The following COL15A1 variants were observed in gnomAD, a reference collection of about 807,000 sequenced individuals.
COL15A1 encodes the protein collagen type XV alpha 1 chain.
COL15A1 carries 111 observed loss-of-function variants against 165.9 expected under a neutral mutation model. The observed-to-expected ratio is 0.67, with a 90% confidence interval of 0.57 to 0.78. The LOEUF (loss-of-function observed/expected upper bound fraction) is 0.78, where lower values mean the gene tolerates loss of function less well. Ranked by LOEUF, COL15A1 falls within the 30% of genes least tolerant of loss-of-function variation. COL15A1 has a pLI of 0.00. For missense variants in COL15A1, 1,745 were observed against 1,789.7 expected, an observed-to-expected ratio of 0.98 and a Z score of 0.45; for synonymous variants, 659 against 674.8, an observed-to-expected ratio of 0.98 and a Z score of 0.36.
intron 2 of COL15A1, among the ~76,000 whole-genome samples, chr9:98,965,783 C>T (rs1009780913): frequency 6.6e-6 from 1 of 152,234 alleles, no homozygotes; most frequent in East Asian, 1.9e-4. Context: ...CCCTACAGGA[C>T]TTTCCTGTCC....
At chr9:99,005,099 C>T (rs747120484) in intron 9 of COL15A1, 49 bp downstream of exon 9, 2 of 1,522,386 alleles carry the variant, frequency 1.3e-6, no homozygotes, top group African/African-American at 1.4e-5. Context: ...GGGAGCAGCT[C>T]CTGACCTTCT....
In COL15A1 at chr9:99,058,913, T is replaced by C. The variant is rs556892006; in HGVS notation, c.3338-976T>C. On this transcript the variant is annotated intron_variant, in intron 35 of 41. Coordinates refer to ENST00000375001, the MANE Select transcript of COL15A1 (RefSeq NM_001855.5). Reference sequence around the variant, plus strand: ...GACCTGAAGGACTGTATAATTTTACTGGGGCTTGTAAAAACACCCTTAATT... The same window carrying C: ...GACCTGAAGGACTGTATAATTTTACCGGGGCTTGTAAAAACACCCTTAATT... Among the ~76,000 whole-genome samples the C allele has an allele frequency of 9.5e-4, 144 of 152,296 alleles. 1 individual carries two copies. Among genetic ancestry groups the C allele is most frequent in the Non-Finnish European group, 2.5e-4 (17 of 68,002 alleles).
At position 99,056,365 on chromosome 9, in the gene COL15A1, C is replaced by A. The variant is rs894497562; in HGVS notation, c.3298C>A (p.Pro1100Thr). The A allele has an allele frequency of 1.5e-5, 24 of 1,612,424 alleles. No individual in the cohort carries two copies. Among genetic ancestry groups the A allele is most frequent in the Non-Finnish European group, 1.8e-5 (21 of 1,179,822 alleles). The change falls in exon 35 of 42, where the codon CCC becomes ACC. Residue 1100 changes from proline to threonine, a missense_variant. Pro to Thr is a conservative substitution (Grantham distance 38). Transcript: ENST00000375001. ...GRPGDPGPPGPPGPPGPPAIL... is the reference protein window; with the variant it reads ...GRPGDPGPPGTPGPPGPPAIL... ...ACCTGGTGATCCTGGGCCACCGGGG[C>A]CCCCGGGGCCACCAGGACCTCCAGC...
chr9:99,032,431 G>T (rs1014369455), intron 16 of COL15A1, among the ~76,000 whole-genome samples: 2 of 151,976 alleles, frequency 1.3e-5, no homozygotes, highest in East Asian at 3.9e-4. Flanking sequence ...CTTGTGATCT[G>T]CCCACCTCAG....
rs1388579911 is a variant in COL15A1, at chr9:99,035,116, C to T, written c.2182C>T (p.Pro728Ser). 4 of 1,601,686 alleles carry T rather than the reference C, an allele frequency of 2.5e-6. No individual in the cohort carries two copies. Among genetic ancestry groups the T allele is most frequent in the Non-Finnish European group, 3.4e-6 (4 of 1,174,478 alleles). Residue 728 changes from proline (P) to serine (S), a missense_variant, in exon 18 of 42, where the codon CCC (proline) becomes TCC (serine). By Grantham distance (74) the Pro-to-Ser change is moderately conservative. Transcript: ENST00000375001. ...GPPGPPGPPG[P>S]PGPGCTMGLG... ...CCCAGGGCCTCCTGGACCCCCTGGG[C>T]CCCCAGGCCCTGGATGCACAATGGG...
intron 16 of COL15A1, among the ~76,000 whole-genome samples, chr9:99,027,280 G>A (rs1839142075): frequency 6.6e-6 from 1 of 152,146 alleles, no homozygotes; most frequent in African/African-American, 2.4e-5. Flanking sequence ...AACCTCTCAT[G>A]GACAAAGACG....
At chr9:99,058,477 G>A (rs1444508179) in intron 35 of COL15A1, among the ~76,000 whole-genome samples, 2 of 152,134 alleles carry the variant, frequency 1.3e-5, no homozygotes, top group African/African-American at 2.4e-5. Flanking sequence ...GGGAGGAGTA[G>A]GACTACAGGA....
rs116521558 is a variant in COL15A1, at chr9:99,045,820, C to T, written c.2679+1050C>T. The stretch of plus-strand genomic sequence containing the variant: ...CATTTGAAACATTGAACATTTGAAA[C>T]ATTTTGGGCTAGAGAATTGTATACA... On this transcript the variant is annotated intron_variant, in intron 26 of 41. Transcript: ENST00000375001. 4.9e-3 allele frequency among the ~76,000 whole-genome samples: 739 copies of T among 152,328 alleles called. 8 individuals are homozygous for T. The highest frequency in any genetic ancestry group is 0.017 in the African/African-American group (714 of 41,556).
chr9:99,049,126 C>T (rs997275598), intron 28 of COL15A1, among the ~76,000 whole-genome samples: 1 of 152,322 alleles, frequency 6.6e-6, no homozygotes, highest in African/African-American at 2.4e-5. Context: ...AGAGCCTCAC[C>T]TCTCCTGCTG....
At chr9:99,046,912 G>T (rs900092561) in intron 26 of COL15A1, among the ~76,000 whole-genome samples, 1 of 152,138 alleles carries the variant, frequency 6.6e-6, no homozygotes, top group African/African-American at 2.4e-5. Flanking sequence ...GGTACTTTAC[G>T]TACTGACCCT....
intron 2 of COL15A1, among the ~76,000 whole-genome samples, chr9:98,967,789 C>G (rs1837982124): frequency 6.6e-6 from 1 of 152,298 alleles, no homozygotes; most frequent in South Asian, 2.1e-4. Flanking sequence ...TCCATGACTG[C>G]CCATGACTGG....
At chr9:98,999,949 C>T (rs964246680) in intron 6 of COL15A1, among the ~76,000 whole-genome samples, 1 of 151,266 alleles carries the variant, frequency 6.6e-6, no homozygotes, top group African/African-American at 2.4e-5. Context: ...CTGCCCACTG[C>T]AACCTCTGCC....
At chr9:99,056,521 G>T (rs1009476547) in intron 35 of COL15A1, 117 bp downstream of exon 35, 3 of 1,392,678 alleles carry the variant, frequency 2.2e-6, no homozygotes, top group East Asian at 2.5e-5. Flanking sequence ...CCTGGATACC[G>T]CCTTCTTTCT....
At chr9:99,009,577 G>A (rs143969696) in intron 9 of COL15A1, among the ~76,000 whole-genome samples, 186 of 151,954 alleles carry the variant, frequency 1.2e-3, no homozygotes, top group African/African-American at 4.3e-3. Flanking sequence ...ATTTGACTTT[G>A]GAAATTTTGT....
intron 24 of COL15A1, 142 bp from the exon 25 acceptor site, chr9:99,044,426 A>G (rs1839461417): frequency 2.7e-6 from 2 of 727,654 alleles, no homozygotes; most frequent in African/African-American, 1.7e-5. Context: ...TTCAAGTAGG[A>G]TGAAGGCAAG....
At chr9:99,025,022 C>A (rs1209925475) in intron 15 of COL15A1, 23 bp downstream of exon 15, 2 of 1,609,416 alleles carry the variant, frequency 1.2e-6, no homozygotes, top group Non-Finnish European at 1.7e-6. Context: ...AGTCTTCTCC[C>A]CATCTCTGTG....
intron 4 of COL15A1, among the ~76,000 whole-genome samples, 191 bp downstream of exon 4, chr9:98,987,559 A>G (rs1219464035): frequency 5.3e-5 from 8 of 152,040 alleles, no homozygotes; most frequent in Non-Finnish European, 1.2e-4. Context: ...TGGTGTGGGG[A>G]GCTGTGTTTC....
intron 11 of COL15A1, among the ~76,000 whole-genome samples, chr9:99,017,208 T>C (rs111838115): frequency 1.5e-3 from 227 of 152,366 alleles, no homozygotes; most frequent in African/African-American, 5.3e-3. Context: ...CAAGTTTACC[T>C]GATTCTCTTC....
chr9:98,944,402 C>G, intron 2 of COL15A1, 152 bp downstream of exon 2: 1 of 797,840 alleles, frequency 1.3e-6, no homozygotes, highest in Admixed American at 2.1e-5. Context: ...CCGCGGGCGG[C>G]TACCTCCTGG....
Sources: gnomAD v4.1 joint callset for allele counts (sites outside exome capture counted in the v4.1 genomes callset) on GRCh38, gnomAD v4.1.1 for gene constraint, MANE v1.5 for transcripts, NCBI Gene and HGNC (gene_info 2026-07-23, HGNC 2026-07-21) for gene names.